Variants in TAFA2 observed in about 807,000 individuals in gnomAD.
TAFA2 encodes chemokine-like protein TAFA-2.
A neutral mutation model predicts 18.8 loss-of-function variants in TAFA2; 7 were observed. That is an observed-to-expected ratio of 0.37 (90% CI 0.21 to 0.70). The LOEUF (loss-of-function observed/expected upper bound fraction) is 0.70. Ranked by LOEUF, TAFA2 falls within the 30% of genes least tolerant of loss-of-function variation. TAFA2 has a pLI of 0.53. For missense variants in TAFA2, 122 were observed against 158.1 expected (o/e 0.77, Z 1.23); for synonymous variants, 60 against 54.2 (o/e 1.11, Z -0.47).
At chr12:61,922,475 C>T (rs924636531) in intron 1 of TAFA2, among the ~76,000 whole-genome samples, 1 of 152,176 alleles carries the variant, frequency 6.6e-6, no homozygotes, top group Admixed American at 6.5e-5. Flanking sequence ...GTAGGGTCAC[C>T]TCACCCAAGA....
intron 1 of TAFA2, among the ~76,000 whole-genome samples, chr12:61,927,984 TC>T: frequency 6.6e-6 from 1 of 152,160 alleles, no homozygotes; most frequent in Non-Finnish European, 1.5e-5. Context: ...CTGGACCCCT[TC>T]CTTATACCTT....
At chr12:61,927,326 CA>C (rs1219997515) in intron 1 of TAFA2, among the ~76,000 whole-genome samples, 2 of 152,184 alleles carry the variant, frequency 1.3e-5, no homozygotes, top group East Asian at 1.9e-4. Flanking sequence ...TCTCAGGATA[CA>C]AAATGAATGT....
chr12:62,236,931 T>C (rs2062840457), intron 1 of TAFA2, among the ~76,000 whole-genome samples: 1 of 152,196 alleles, frequency 6.6e-6, no homozygotes, highest in Admixed American at 6.5e-5. Context: ...GGTAGTCTTA[T>C]TCGGGTTGAA....
chr12:61,873,493 G>C (rs1294258781), intron 1 of TAFA2, among the ~76,000 whole-genome samples: 1 of 152,044 alleles, frequency 6.6e-6, no homozygotes, highest in Non-Finnish European at 1.5e-5. Context: ...AGGAGTTAAA[G>C]ATACCAAAGT....
chr12:61,724,761 G>A (rs913324663), intron 4 of TAFA2, among the ~76,000 whole-genome samples: 141 of 106,120 alleles, frequency 1.3e-3, no homozygotes, highest in African/African-American at 6.5e-3. Context: ...ATGTGTGTGT[G>A]TGTGTGTGTG....
intron 1 of TAFA2, among the ~76,000 whole-genome samples, chr12:61,950,770 T>C (rs1878438098): frequency 3.3e-5 from 5 of 152,074 alleles, no homozygotes; most frequent in Admixed American, 2.6e-4. Context: ...TCTAAGTCTG[T>C]TTCTTCTCTG....
intron 1 of TAFA2, among the ~76,000 whole-genome samples, chr12:61,983,167 T>C (rs768361919): frequency 1.9e-4 from 29 of 152,298 alleles, no homozygotes; most frequent in Middle Eastern, 6.8e-3. Context: ...ACATATTTTC[T>C]ATGGAACATC....
In TAFA2 at chr12:62,092,631, T is replaced by G. The variant is rs529062622; in HGVS notation, c.-2+98628A>C. 1.7e-4 allele frequency among the ~76,000 whole-genome samples: 26 copies of G among 152,106 alleles called. 1 individual carries two copies. The South Asian group carries it at 5.2e-3, about 30-fold the overall frequency. On this transcript the variant is annotated intron_variant, in intron 1 of 4. Coordinates refer to ENST00000416284, the MANE Select transcript of TAFA2 (RefSeq NM_178539.5). ...CTGGTTCCTGCTCTCCTCTCCAACT[T>G]CTAATAACCCCAATGTCTAGAAAAG...
chr12:62,104,723 C>T (rs1338001089), intron 1 of TAFA2: 4 of 455,494 alleles, frequency 8.8e-6, no homozygotes, highest in Admixed American at 2.4e-5. Flanking sequence ...ATTTGTCATG[C>T]ACGCTTCATC....
rs1471062728 is a variant in TAFA2, at chr12:61,710,004, A to T, written c.*402T>A. 5.5e-6 allele frequency: 1 copy of T among 181,106 alleles called. No individual in the cohort carries two copies. The highest frequency in any genetic ancestry group is 5.9e-5 in the Admixed American group (1 of 16,818). 11.2% of individuals were successfully genotyped at this position (181,106 alleles called of 1,614,324 possible). A position where few individuals can be genotyped will look rare whatever the true frequency, so the allele number is the denominator to read the frequency against. ...CTAGCAAATGAACATAGGACCCAGG[A>T]ACACATCCAGGACAGAAGGACAGTG... is the stretch of plus-strand genomic sequence containing the variant. On this transcript the variant is annotated 3_prime_UTR_variant, in exon 5 of 5. Transcript: ENST00000416284.
chr12:61,901,984 T>C (rs1408065025), intron 1 of TAFA2, among the ~76,000 whole-genome samples: 1 of 151,886 alleles, frequency 6.6e-6, no homozygotes, highest in Non-Finnish European at 1.5e-5. Flanking sequence ...TTTATGACTT[T>C]ATAGGACTTA....
chr12:62,068,632 A>G (rs1882552465), intron 1 of TAFA2, among the ~76,000 whole-genome samples: 3 of 152,140 alleles, frequency 2.0e-5, no homozygotes, highest in Non-Finnish European at 2.9e-5. Context: ...AGAACATGAC[A>G]ATGGAAAATT....
At chr12:61,973,283 C>A (rs1205619730) in intron 1 of TAFA2, among the ~76,000 whole-genome samples, 1 of 151,422 alleles carries the variant, frequency 6.6e-6, no homozygotes, top group Admixed American at 6.6e-5. Context: ...TGTGAACAGT[C>A]CTGCTGAAAA....
At chr12:61,919,926 TATA>T (rs1328448976) in intron 1 of TAFA2, among the ~76,000 whole-genome samples, 5 of 152,256 alleles carry the variant, frequency 3.3e-5, no homozygotes, top group Middle Eastern at 3.4e-3. Flanking sequence ...GCCTCGTCAG[TATA>T]ATATCTTAAA....
intron 1 of TAFA2, among the ~76,000 whole-genome samples, chr12:61,891,153 A>G (rs1565671204): frequency 6.6e-6 from 1 of 152,224 alleles, no homozygotes; most frequent in Non-Finnish European, 1.5e-5. Flanking sequence ...AAATAAACCA[A>G]TGTGACAATT....
chr12:62,051,357 C>A (rs1008449936), intron 1 of TAFA2, among the ~76,000 whole-genome samples: 1 of 152,110 alleles, frequency 6.6e-6, no homozygotes, highest in Non-Finnish European at 1.5e-5. Flanking sequence ...TAGCTAATAA[C>A]CTCACTTCAC....
intron 1 of TAFA2, among the ~76,000 whole-genome samples, chr12:62,106,618 A>T (rs1455072568): frequency 6.6e-6 from 1 of 152,158 alleles, no homozygotes; most frequent in African/African-American, 2.4e-5. Context: ...ATTGCTATAG[A>T]TGACACTGTG....
intron 4 of TAFA2, among the ~76,000 whole-genome samples, chr12:61,747,885 A>T (rs1377520585): frequency 1.3e-5 from 2 of 152,150 alleles, no homozygotes; most frequent in Non-Finnish European, 2.9e-5. Context: ...AAAAGAAAAA[A>T]AAAAGAAATT....
chr12:62,223,948 A>T (rs1226678528), intron 1 of TAFA2, among the ~76,000 whole-genome samples: 12 of 152,196 alleles, frequency 7.9e-5, no homozygotes, highest in Non-Finnish European at 1.5e-4. Context: ...ATATATCCAA[A>T]ATCATTGAAA....
Sources: allele counts gnomAD v4.1 joint callset (sites outside exome capture counted in the v4.1 genomes callset), GRCh38; gene constraint gnomAD v4.1.1; transcripts MANE v1.5; gene names NCBI Gene and HGNC (gene_info 2026-07-23, HGNC 2026-07-21).